The following ZC3H3 variants were observed in gnomAD, a reference collection of about 807,000 sequenced individuals.
The protein encoded by ZC3H3 is zinc finger CCCH domain-containing protein 3.
ZC3H3 carries 36 observed loss-of-function variants against 77.3 expected under a neutral mutation model. The ratio of observed to expected loss-of-function variants is 0.47; its 90% CI spans 0.36 to 0.61. The LOEUF is 0.61. ZC3H3 is among the 20% of genes least tolerant of loss of function. The pLI, the probability that ZC3H3 is intolerant of heterozygous loss-of-function variation, is 0.00. For synonymous variants in ZC3H3, 626 were observed against 555.2 expected (o/e 1.13, Z -1.79); for missense variants, 1,331 against 1,312.2 (o/e 1.01, Z -0.22).
At chr8:143,534,163 A>C (rs1039704029) in intron 3 of ZC3H3, among the ~76,000 whole-genome samples, 3 of 151,400 alleles carry the variant, frequency 2.0e-5, no homozygotes, top group Admixed American at 1.3e-4. Context: ...ATGCACCTGT[A>C]GTCCCAGCTA....
chr8:143,541,386 G>C lies in ZC3H3; in HGVS notation c.36C>G (p.Arg12=), dbSNP rs1329370421. ...CCCGGCCGGACCTACCCTGCAGTAG[G>C]CGGATCTGCCGCCGTAATATCTCCT... The part of the protein sequence containing the change: ...EEKEILRRQI[R]LLQGLIDDYK... Residue 12 remains arginine, a synonymous_variant, in exon 1 of 12, where the codon CGC becomes CGG. Coordinates refer to ENST00000262577, the MANE Select transcript of ZC3H3 (RefSeq NM_015117.3). The C allele has an allele frequency of 6.2e-7, 1 of 1,611,630 alleles. No homozygotes were observed. The highest frequency in any genetic ancestry group is 8.5e-7 in the Non-Finnish European group (1 of 1,179,476).
intron 4 of ZC3H3, among the ~76,000 whole-genome samples, chr8:143,504,006 C>T (rs551078306): frequency 1.6e-4 from 24 of 152,338 alleles, no homozygotes; most frequent in Admixed American, 5.2e-4. Context: ...GGCGCGTGTG[C>T]CAAATCACCC....
At position 143,533,461 on chromosome 8, in the gene ZC3H3, C is replaced by A. The variant is rs1822687803; in HGVS notation, c.1561+2796G>T. 6.6e-6 allele frequency among the ~76,000 whole-genome samples: 1 copy of A among 152,194 alleles called. No individual in the cohort carries two copies. Among genetic ancestry groups the A allele is most frequent in the Admixed American group, 6.5e-5 (1 of 15,284 alleles). The stretch of plus-strand genomic sequence containing the variant: ...CAGGAGCACCTTCCTGGCTGATGTA[C>A]AAGCACTCCAGTGGCTGCCTGTCTC... On this transcript the variant is annotated intron_variant, in intron 3 of 11. Coordinates refer to ENST00000262577, the MANE Select transcript of ZC3H3 (RefSeq NM_015117.3). The surrounding 1 kb of genome is among the most constrained non-coding windows in gnomAD (Gnocchi z 4.0).
chr8:143,465,240 C>A (rs1363224914), intron 9 of ZC3H3, among the ~76,000 whole-genome samples: 2 of 152,144 alleles, frequency 1.3e-5, no homozygotes, highest in African/African-American at 4.8e-5. Context: ...TCAGGCGGCC[C>A]CCTTGGCTCT....
intron 8 of ZC3H3, among the ~76,000 whole-genome samples, chr8:143,467,045 G>A (rs1048819107): frequency 4.6e-5 from 7 of 151,908 alleles, no homozygotes; most frequent in Admixed American, 1.3e-4. Flanking sequence ...GAAACAAAGG[G>A]TGATTTAACG....
intron 9 of ZC3H3, among the ~76,000 whole-genome samples, chr8:143,446,306 A>G (rs1357521149): frequency 1.3e-5 from 2 of 152,240 alleles, no homozygotes; most frequent in Non-Finnish European, 2.9e-5. Flanking sequence ...AAAGAAAACT[A>G]TAAAACTATG....
rs373613798 is a variant in ZC3H3, at chr8:143,475,424, G to C, written c.1877C>G (p.Ala626Gly). The change falls in exon 5 of 12, where the codon GCG becomes GGG. Residue 626 changes from alanine (A) to glycine (G), a missense_variant. By Grantham distance (60) the Ala-to-Gly change is moderately conservative (BLOSUM62 0). Transcript: ENST00000262577. ...LSKTSGQPSD[A>G]GSRPLLRTGR... ...TGTGCGCAGGAGGGGCCTGCTGCCC[G>C]CATCACTGGGCTGGCCGGAGGTCTT... is the stretch of plus-strand genomic sequence containing the variant. 1 of 1,612,946 alleles carries C rather than the reference G, an allele frequency of 6.2e-7. No homozygotes were observed. The highest frequency in any genetic ancestry group is 1.1e-5 in the South Asian group (1 of 91,052).
intron 5 of ZC3H3, among the ~76,000 whole-genome samples, chr8:143,472,065 C>T (rs1040676347): frequency 1.7e-4 from 26 of 151,824 alleles, no homozygotes; most frequent in African/African-American, 5.1e-4. Context: ...TAGCCCTACT[C>T]GATGGCAGGC....
intron 3 of ZC3H3, among the ~76,000 whole-genome samples, chr8:143,517,731 C>T (rs1822105848): frequency 6.6e-6 from 1 of 152,200 alleles, no homozygotes; most frequent in Non-Finnish European, 1.5e-5. Context: ...CGGGCCCTTC[C>T]CAGGGCTGGG....
At chr8:143,482,123 C>T (rs1335592700) in intron 4 of ZC3H3, among the ~76,000 whole-genome samples, 2 of 152,248 alleles carry the variant, frequency 1.3e-5, no homozygotes, top group African/African-American at 4.8e-5. Context: ...GTCCTGCTGG[C>T]CACAGCCCCC....
chr8:143,538,397 C>A lies in ZC3H3; in HGVS notation c.970G>T (p.Ala324Ser). 1 of 1,613,240 alleles carries A rather than the reference C, an allele frequency of 6.2e-7. No homozygotes were observed. Among genetic ancestry groups the A allele is most frequent in the Non-Finnish European group, 8.5e-7 (1 of 1,180,040 alleles). ...VAASSKSPRVARRALSPRVAA... is the reference protein window; with the variant it reads ...VAASSKSPRVSRRALSPRVAA... The stretch of plus-strand genomic sequence containing the variant: ...ACTCTGGGACTGAGGGCCCTCCGAG[C>A]AACCCGGGGACTCTTCGAGGAGGCA... Residue 324 changes from alanine to serine, a missense_variant, in exon 2 of 12, where the codon GCT becomes TCT. This residue lies in a region of ZC3H3 where 978 missense variants were observed against 915.5 expected (regional missense o/e 1.07). Transcript: ENST00000262577.
intron 5 of ZC3H3, among the ~76,000 whole-genome samples, chr8:143,473,916 G>C (rs372188004): frequency 1.3e-5 from 2 of 152,158 alleles, no homozygotes; most frequent in African/African-American, 2.4e-5. Context: ...AGAAGCCCGA[G>C]GCCCCTCCCC....
chr8:143,499,909 C>G (rs1190087585), intron 4 of ZC3H3, among the ~76,000 whole-genome samples: 1 of 152,214 alleles, frequency 6.6e-6, no homozygotes, highest in Non-Finnish European at 1.5e-5. Flanking sequence ...AGGAGGCCCG[C>G]AGCAGTGCCG....
rs762378930 is a variant in ZC3H3, at chr8:143,539,282, G to C, written c.85C>G (p.Pro29Ala). Residue 29 changes from proline to alanine, a missense_variant, in exon 2 of 12, where the codon CCG (proline) becomes GCG (alanine). By Grantham distance (27) the Pro-to-Ala change is conservative. Around this residue, in one of 3 missense-constraint regions of ZC3H3, gnomAD observed 978 missense variants for 915.5 expected, o/e 1.07. Coordinates refer to ENST00000262577, the MANE Select transcript of ZC3H3 (RefSeq NM_015117.3). Reference sequence around the variant, plus strand: ...GAAGCTGCTGGGGTACCAGGGGCCGGGGCATTGCCGTGGAGGGTTTTGTAG... The same window carrying C: ...GAAGCTGCTGGGGTACCAGGGGCCGCGGCATTGCCGTGGAGGGTTTTGTAG... Reference protein sequence around the residue: ...DDYKTLHGNAPAPGTPAASGW... With the variant: ...DDYKTLHGNAAAPGTPAASGW... The C allele has an allele frequency of 2.5e-5, 41 of 1,612,300 alleles. No homozygotes were observed. The highest frequency in any genetic ancestry group is 2.2e-4 in the Admixed American group (13 of 59,996).
At chr8:143,529,300 G>T (rs1434779619) in intron 3 of ZC3H3, among the ~76,000 whole-genome samples, 1 of 152,234 alleles carries the variant, frequency 6.6e-6, no homozygotes. Context: ...TCCCAAGCTG[G>T]TGCCTGCTCA....
intron 4 of ZC3H3, among the ~76,000 whole-genome samples, chr8:143,498,301 C>T (rs558309209): frequency 2.0e-5 from 3 of 152,330 alleles, no homozygotes; most frequent in Admixed American, 6.5e-5. Flanking sequence ...CCTGTCAGGC[C>T]GCGTTCTCCC....
Position 143,538,408 on chromosome 8 carries a change from C to T in ZC3H3, c.959G>A (p.Ser320Asn), listed in dbSNP as rs2130523216. The change falls in exon 2 of 12, where the codon AGT (serine) becomes AAT (asparagine). Residue 320 changes from serine to asparagine, a missense_variant. This residue lies in a region of ZC3H3 where 978 missense variants were observed against 915.5 expected (regional missense o/e 1.07). Transcript: ENST00000262577. ...NYKWVAASSK[S>N]PRVARRALSP... The stretch of plus-strand genomic sequence containing the variant: ...GAGGGCCCTCCGAGCAACCCGGGGA[C>T]TCTTCGAGGAGGCAGCCACCCATTT... The T allele has an allele frequency of 6.2e-7, 1 of 1,613,250 alleles. No individual in the cohort carries two copies. Among genetic ancestry groups the T allele is most frequent in the East Asian group, 2.2e-5 (1 of 44,892 alleles).
At chr8:143,484,204 T>C (rs1010531874) in intron 4 of ZC3H3, among the ~76,000 whole-genome samples, 1 of 152,188 alleles carries the variant, frequency 6.6e-6, no homozygotes, top group Non-Finnish European at 1.5e-5. Flanking sequence ...GGCTCTGTTG[T>C]GACATCTGAG....
rs775702002 is a variant in ZC3H3, at chr8:143,538,761, C to T, written c.606G>A (p.Val202=). 5 of 1,611,648 alleles carry T rather than the reference C, an allele frequency of 3.1e-6. No individual in the cohort carries two copies. Among genetic ancestry groups the T allele is most frequent in the African/African-American group, 1.3e-5 (1 of 75,066 alleles). The change falls in exon 2 of 12, where the codon GTG becomes GTA. Residue 202 remains valine (V), a synonymous_variant. Transcript: ENST00000262577. ...CQKEPGKPRM[V]KSVGSVGDSP... is the part of the protein sequence containing the mutation. ...TGTCGCCCACACTGCCCACTGACTT[C>T]ACCATCCTGGGCTTACCAGGCTCCT...
Sources: allele counts gnomAD v4.1 joint callset (sites outside exome capture counted in the v4.1 genomes callset), GRCh38; gene constraint gnomAD v4.1.1; regional missense constraint gnomAD v4.1.1; non-coding constraint Gnocchi (gnomAD v3.1); transcripts MANE v1.5; gene names NCBI Gene and HGNC (gene_info 2026-07-23, HGNC 2026-07-21).